Variants in RNLS observed in about 807,000 individuals in gnomAD.
The protein encoded by RNLS is renalase.
RNLS carries 39 observed loss-of-function variants against 39.8 expected under a neutral mutation model. That is an observed-to-expected ratio of 0.98 (90% CI 0.76 to 1.28). The LOEUF (loss-of-function observed/expected upper bound fraction) is 1.28. Among genes scored for constraint, RNLS ranks in the 50% most tolerant of loss-of-function variants. RNLS has a pLI of 0.00. For missense variants in RNLS, 410 were observed against 413.3 expected (o/e 0.99, Z 0.07); for synonymous variants, 147 against 150.7 (o/e 0.98, Z 0.18).
intron 5 of RNLS, among the ~76,000 whole-genome samples, chr10:88,337,692 C>T (rs952178925): frequency 2.0e-5 from 3 of 152,114 alleles, no homozygotes; most frequent in Non-Finnish European, 2.9e-5. Context: ...TGATGTTGAT[C>T]GAATCTATCT....
intron 5 of RNLS, among the ~76,000 whole-genome samples, chr10:88,335,796 AATAAAT>A (rs1362009067): frequency 2.0e-5 from 3 of 152,232 alleles, no homozygotes; most frequent in Non-Finnish European, 4.4e-5. Context: ...GATTTTTAGC[AATAAAT>A]ATAAAGAGAC....
chr10:88,450,358 T>C (rs1410483396), intron 4 of RNLS, among the ~76,000 whole-genome samples: 2 of 152,200 alleles, frequency 1.3e-5, no homozygotes, highest in Non-Finnish European at 2.9e-5. Flanking sequence ...AGCCTGTGCT[T>C]ATCAGAAAAT....
At chr10:88,351,078 TG>T (rs764462191) in intron 5 of RNLS, among the ~76,000 whole-genome samples, 4 of 152,336 alleles carry the variant, frequency 2.6e-5, no homozygotes, top group South Asian at 4.1e-4. Context: ...TTGGTGGGGT[TG>T]TTTTTTTTCT....
chr10:88,570,973 T>TG lies in RNLS; in HGVS notation c.526+1929_526+1930insC, dbSNP rs1313981333. Among the ~76,000 whole-genome samples the TG allele has an allele frequency of 7.2e-4, 101 of 140,580 alleles. 1 individual carries two copies. The highest frequency in any genetic ancestry group is 2.6e-3 in the African/African-American group (94 of 35,964). 92.2% of individuals were successfully genotyped at this position (140,580 alleles called of 152,430 possible). A position where few individuals can be genotyped will look rare whatever the true frequency, so the allele number is the denominator to read the frequency against. On this transcript the variant is annotated intron_variant, in intron 4 of 6. Transcript: ENST00000331772. The stretch of plus-strand genomic sequence containing the variant: ...AATATGTTGTATATTCTTTTTTTTT[T>TG]TTTTTTTTTTGGTTTGTTTTTTTTT...
intron 3 of RNLS, among the ~76,000 whole-genome samples, chr10:88,578,810 G>C (rs1347188689): frequency 1.3e-5 from 2 of 152,240 alleles, no homozygotes; most frequent in Middle Eastern, 3.4e-3. Flanking sequence ...TAAGGAGATA[G>C]ATGCAATGTA....
intron 4 of RNLS, among the ~76,000 whole-genome samples, chr10:88,375,673 G>A (rs1478335176): frequency 6.6e-6 from 1 of 152,172 alleles, no homozygotes; most frequent in Non-Finnish European, 1.5e-5. Context: ...CAATTTCACT[G>A]TGCTAGTTTC....
chr10:88,402,970 A>G (rs1309878599), intron 4 of RNLS, among the ~76,000 whole-genome samples: 1 of 152,094 alleles, frequency 6.6e-6, no homozygotes, highest in Non-Finnish European at 1.5e-5. Context: ...GAATAATACA[A>G]TACTATAAAG....
chr10:88,328,502 C>A (rs1383236605), intron 5 of RNLS, among the ~76,000 whole-genome samples: 3 of 152,272 alleles, frequency 2.0e-5, no homozygotes, highest in South Asian at 2.1e-4. Flanking sequence ...ATTCAGCATG[C>A]ATGTTTGCAC....
intron 4 of RNLS, among the ~76,000 whole-genome samples, chr10:88,366,012 C>T (rs1470994339): frequency 6.6e-6 from 1 of 152,130 alleles, no homozygotes; most frequent in Non-Finnish European, 1.5e-5. Context: ...ATGCCATGCA[C>T]TTTTCTAGAC....
chr10:88,533,630 G>A (rs539558425), intron 4 of RNLS, among the ~76,000 whole-genome samples: 10 of 152,178 alleles, frequency 6.6e-5, no homozygotes, highest in African/African-American at 2.2e-4. Flanking sequence ...AGTGAAGTGG[G>A]ATTTGACTAA....
the RNLS span, among the ~76,000 whole-genome samples, chr10:88,227,532 G>A: frequency 6.6e-6 from 1 of 152,190 alleles, no homozygotes; most frequent in Non-Finnish European, 1.5e-5. Flanking sequence ...CACCACGAGT[G>A]CACTCACAGA....
chr10:88,226,910 T>C, the RNLS span, among the ~76,000 whole-genome samples: 1 of 152,142 alleles, frequency 6.6e-6, no homozygotes, highest in South Asian at 2.1e-4. Flanking sequence ...AAAGATACTT[T>C]AAAAATCTGT....
At chr10:88,422,799 C>T (rs1589765831) in intron 4 of RNLS, among the ~76,000 whole-genome samples, 1 of 151,698 alleles carries the variant, frequency 6.6e-6, no homozygotes, top group Non-Finnish European at 1.5e-5. Flanking sequence ...TTCTGTCATC[C>T]ATGGTGGAAT....
the RNLS span, among the ~76,000 whole-genome samples, chr10:88,245,467 T>C: frequency 2.0e-5 from 3 of 152,316 alleles, no homozygotes; most frequent in East Asian, 5.8e-4. Context: ...CTTGGCTTTA[T>C]GATGGCAGCC....
downstream of RNLS, among the ~76,000 whole-genome samples, chr10:88,272,123 T>G (rs1033145126): frequency 3.3e-5 from 5 of 152,148 alleles, no homozygotes; most frequent in African/African-American, 9.7e-5. Flanking sequence ...ACCTCCAGAT[T>G]TGGACTAAAA....
At chr10:88,579,383 T>C (rs75849306) in intron 3 of RNLS, among the ~76,000 whole-genome samples, 5,239 of 152,174 alleles carry the variant, frequency 0.034, 133 homozygotes, top group Non-Finnish European at 0.048. Flanking sequence ...AGTGATAGTT[T>C]TAGGTTTTAT....
At chr10:88,397,792 G>GA (rs955072621) in intron 4 of RNLS, among the ~76,000 whole-genome samples, 41 of 143,816 alleles carry the variant, frequency 2.9e-4, no homozygotes, top group African/African-American at 8.4e-4. Flanking sequence ...TCTTGAAAAA[G>GA]AAAAAAAAAA....
chr10:88,306,363 C>T (rs1243743512), intron 6 of RNLS, among the ~76,000 whole-genome samples: 1 of 151,894 alleles, frequency 6.6e-6, no homozygotes, highest in Non-Finnish European at 1.5e-5. Flanking sequence ...ACAAAAAAAC[C>T]ATTCAAAATA....
chr10:88,315,607 C>CT (rs757216629), intron 5 of RNLS, among the ~76,000 whole-genome samples: 71 of 152,108 alleles, frequency 4.7e-4, no homozygotes, highest in Non-Finnish European at 8.8e-4. Context: ...TCTGGAAATT[C>CT]TTTAACTTGG....
Sources: allele counts gnomAD v4.1 joint callset (sites outside exome capture counted in the v4.1 genomes callset), GRCh38; gene constraint gnomAD v4.1.1; transcripts MANE v1.5; gene names NCBI Gene and HGNC (gene_info 2026-07-23, HGNC 2026-07-21).